Variants in PPHLN1 observed in about 807,000 individuals in gnomAD.
PPHLN1 encodes periphilin-1.
Under a neutral mutation model 51.3 loss-of-function variants are expected in PPHLN1, and 29 were observed. That is an observed-to-expected ratio of 0.57 (90% CI 0.42 to 0.77). The LOEUF is 0.77. Among genes scored for constraint, PPHLN1 ranks in the 30% least tolerant of loss-of-function variants. PPHLN1 has a pLI of 0.00. For synonymous variants in PPHLN1, 147 were observed against 147.8 expected (o/e 0.99, Z 0.04); for missense variants, 436 against 438.4 (o/e 0.99, Z 0.05).
intron 5 of PPHLN1, among the ~76,000 whole-genome samples, chr12:42,383,985 A>C (rs2076982726): frequency 2.3e-5 from 1 of 43,940 alleles, no homozygotes; most frequent in Non-Finnish European, 5.0e-5. Context: ...CTGTGTCTCA[A>C]AAAAAAAAAA....
rs948106249 is a variant in PPHLN1 at position 42,435,227 on chromosome 12, T to G, written c.910-6088T>G. ...ATTGGTCTGTATTTGTGTATGAGAA[T>G]TCTATAAACATTGATTGCTGAGGCT... On this transcript the variant is annotated intron_variant, in intron 9 of 9. Coordinates refer to ENST00000358314, the MANE Select transcript of PPHLN1 (RefSeq NM_201439.2). Among the ~76,000 whole-genome samples, 3 of 152,374 alleles carry G rather than the reference T, an allele frequency of 2.0e-5. No individual in the cohort carries two copies. In the South Asian group the frequency reaches 6.2e-4, roughly 32 times the overall value.
intron 9 of PPHLN1, among the ~76,000 whole-genome samples, chr12:42,413,496 C>G (rs1361213557): frequency 6.6e-6 from 1 of 150,860 alleles, no homozygotes; most frequent in Non-Finnish European, 1.5e-5. Context: ...ATACCAGTAC[C>G]ATGCTGTTTT....
intron 9 of PPHLN1, among the ~76,000 whole-genome samples, chr12:42,425,775 C>T (rs1206002166): frequency 2.0e-5 from 3 of 152,162 alleles, no homozygotes; most frequent in Non-Finnish European, 4.4e-5. Flanking sequence ...GGGACAAAGT[C>T]ATCCATAATT....
intron 2 of PPHLN1, among the ~76,000 whole-genome samples, chr12:42,345,322 A>G (rs2072143171): frequency 2.0e-5 from 3 of 151,970 alleles, no homozygotes; most frequent in South Asian, 4.1e-4. Flanking sequence ...GAAAGTTTAA[A>G]TTTCATTGAA....
At chr12:42,351,176 T>C (rs967850581) in intron 2 of PPHLN1, among the ~76,000 whole-genome samples, 6 of 152,208 alleles carry the variant, frequency 3.9e-5, no homozygotes, top group Admixed American at 3.3e-4. Context: ...ATATGTTCTG[T>C]AGCTCTCTAC....
intron 7 of PPHLN1, among the ~76,000 whole-genome samples, chr12:42,389,018 C>T (rs1367144238): frequency 6.6e-6 from 1 of 151,966 alleles, no homozygotes; most frequent in African/African-American, 2.4e-5. Flanking sequence ...GCGGGTGGAT[C>T]ATGAGGTCAG....
intron 9 of PPHLN1, among the ~76,000 whole-genome samples, chr12:42,436,738 T>G (rs2082520030): frequency 6.6e-6 from 1 of 152,120 alleles, no homozygotes; most frequent in South Asian, 2.1e-4. Flanking sequence ...GACTAACAGG[T>G]GGGTAGTATA....
chr12:42,446,055 C>T (rs772473135), downstream of PPHLN1: 130 of 1,550,608 alleles, frequency 8.4e-5, no homozygotes, highest in Non-Finnish European at 8.3e-5. Flanking sequence ...ATGAAGGAAA[C>T]GACCCTGCAG....
In PPHLN1 at chr12:42,420,669, G is replaced by GCCCTCCCCTC. The variant is rs1183717538; in HGVS notation, c.910-20623_910-20614dup. ...TTCCTTCCTTCCCTCCTTCCCTCCCGCCCTCCCCTCCCCTCCCCTCCCCTC... is the reference window on the plus strand; with the variant it reads ...TTCCTTCCTTCCCTCCTTCCCTCCCGCCCTCCCCTCCCCTCCCCTCCCCTCCCCTCCCCTC... On this transcript the variant is annotated intron_variant, in intron 9 of 9. Coordinates refer to ENST00000358314, the MANE Select transcript of PPHLN1 (RefSeq NM_201439.2). 6.4e-4 allele frequency among the ~76,000 whole-genome samples: 15 copies of GCCCTCCCCTC among 23,394 alleles called. No individual in the cohort carries two copies. The East Asian group carries it at 0.023, about 36-fold the overall frequency. The allele number at this position is 23,394 out of a possible 152,430, so 15.3% of individuals were successfully genotyped here.
At chr12:42,341,364 GAT>G (rs1039209410) in intron 2 of PPHLN1, among the ~76,000 whole-genome samples, 1 of 152,144 alleles carries the variant, frequency 6.6e-6, no homozygotes, top group African/African-American at 2.4e-5. Flanking sequence ...TACTAGATGT[GAT>G]ATAAAGTGCA....
intron 9 of PPHLN1, among the ~76,000 whole-genome samples, chr12:42,403,511 A>G (rs1466036341): frequency 1.3e-5 from 2 of 152,194 alleles, no homozygotes; most frequent in African/African-American, 4.8e-5. Context: ...AGCTATCTCT[A>G]TAAGATAATT....
intron 8 of PPHLN1, among the ~76,000 whole-genome samples, chr12:42,396,666 C>T (rs2078243559): frequency 7.8e-6 from 1 of 128,688 alleles, no homozygotes; most frequent in Non-Finnish European, 1.6e-5. Context: ...GTGGTGGCCG[C>T]TTAGTCCCAG....
chr12:42,442,173 G>T lies in PPHLN1; in HGVS notation c.*664G>T, dbSNP rs781055641. On this transcript the variant is annotated 3_prime_UTR_variant, in exon 10 of 10. Transcript: ENST00000358314. ...ATAGAAGATGCAGTTTGAGGTGGAA[G>T]GTGAGGGATATTTTAAGTTTCGGAC... The T allele has an allele frequency of 4.9e-5, 9 of 185,354 alleles. No homozygotes were observed. The highest frequency in any genetic ancestry group is 8.1e-5 in the Non-Finnish European group (8 of 98,190). The allele number at this position is 185,354 out of a possible 1,614,324, so 11.5% of individuals were successfully genotyped here. A position where few individuals can be genotyped will look rare whatever the true frequency, so the allele number is the denominator to read the frequency against.
intron 9 of PPHLN1, among the ~76,000 whole-genome samples, chr12:42,418,211 C>CTTTTTTTTTT (rs60029170): frequency 2.0e-5 from 2 of 98,378 alleles, no homozygotes; most frequent in African/African-American, 8.4e-5. Flanking sequence ...TCCCGGCCCT[C>CTTTTTTTTTT]TTTTTTTTTT....
intron 8 of PPHLN1, among the ~76,000 whole-genome samples, chr12:42,395,892 G>A (rs1328109834): frequency 1.3e-5 from 2 of 152,104 alleles, no homozygotes; most frequent in East Asian, 1.9e-4. Flanking sequence ...TAAGCAATTT[G>A]TTTGGGAAAA....
chr12:42,424,906 G>T (rs1017700237), intron 9 of PPHLN1, among the ~76,000 whole-genome samples: 1 of 151,976 alleles, frequency 6.6e-6, no homozygotes, highest in Non-Finnish European at 1.5e-5. Context: ...AAGAAAAAAA[G>T]CATAATAACA....
chr12:42,399,292 T>C lies in PPHLN1; in HGVS notation c.909+298T>C, dbSNP rs12580684. Reference sequence around the variant, plus strand: ...GTTAATAGGGATGGGATGGAAGAAATGTTCAATGTAGCAAAATGTTAGCAA... The same window carrying C: ...GTTAATAGGGATGGGATGGAAGAAACGTTCAATGTAGCAAAATGTTAGCAA... On this transcript the variant is annotated intron_variant, in intron 9 of 9. Coordinates refer to ENST00000358314, the MANE Select transcript of PPHLN1 (RefSeq NM_201439.2). 3,374 of 908,304 alleles carry C rather than the reference T, an allele frequency of 3.7e-3. 75 individuals are homozygous for C. In the East Asian group the frequency reaches 0.08, roughly 22 times the overall value. 56.3% of individuals were successfully genotyped at this position (908,304 alleles called of 1,614,324 possible).
chr12:42,343,137 T>C (rs2071741667), intron 2 of PPHLN1, among the ~76,000 whole-genome samples: 1 of 152,246 alleles, frequency 6.6e-6, no homozygotes, highest in Non-Finnish European at 1.5e-5. Flanking sequence ...CTTAATTTAG[T>C]AATTCAGTTA....
At chr12:42,332,727 ATATAG>A (rs1369462276) in intron 1 of PPHLN1, 1 of 1,349,912 alleles carries the variant, frequency 7.4e-7, no homozygotes, top group East Asian at 2.4e-5. Flanking sequence ...GTAGTATTTA[ATATAG>A]TAGTTATTGT....
Sources: allele counts gnomAD v4.1 joint callset (sites outside exome capture counted in the v4.1 genomes callset), GRCh38; gene constraint gnomAD v4.1.1; transcripts MANE v1.5; gene names NCBI Gene and HGNC (gene_info 2026-07-23, HGNC 2026-07-21).